NRG1: variants seen among roughly 807,000 people sequenced by gnomAD.
The protein encoded by NRG1 is neuregulin 1, also known as pro-neuregulin-1, membrane-bound isoform.
NRG1 carries 18 observed loss-of-function variants against 63.8 expected under a neutral mutation model. The observed-to-expected ratio is 0.28, with a 90% CI of 0.19 to 0.42. The LOEUF (loss-of-function observed/expected upper bound fraction) is 0.42. Among genes scored for constraint, NRG1 ranks in the 10% least tolerant of loss-of-function variants. The pLI, the probability that NRG1 is intolerant of heterozygous loss-of-function variation, is 1.00. For missense variants in NRG1, 762 were observed against 814.7 expected, an observed-to-expected ratio of 0.94 and a Z score of 0.79; for synonymous variants, 302 against 301.3, an observed-to-expected ratio of 1.00 and a Z score of -0.02.
At chr8:32,257,395 C>T (rs1849851283) in intron 1 of NRG1, among the ~76,000 whole-genome samples, 2 of 152,182 alleles carry the variant, frequency 1.3e-5, no homozygotes, top group African/African-American at 4.8e-5. Flanking sequence ...TGCTTCAAGC[C>T]ATATTTCTTT....
intron 1 of NRG1, among the ~76,000 whole-genome samples, chr8:32,469,205 T>C (rs1033754720): frequency 1.3e-5 from 2 of 152,176 alleles, no homozygotes; most frequent in Non-Finnish European, 2.9e-5. Flanking sequence ...TGTGGCATCA[T>C]TGAGAGAGTC....
intron 1 of NRG1, among the ~76,000 whole-genome samples, chr8:31,856,936 G>T (rs1263710870): frequency 6.6e-6 from 1 of 152,174 alleles, no homozygotes; most frequent in Admixed American, 6.5e-5. Context: ...GGGGTCAGGT[G>T]TCAGGGACCC....
chr8:32,639,397 T>C lies in NRG1; in HGVS notation c.502+22512T>C, dbSNP rs116854583. Among the ~76,000 whole-genome samples, 1,175 of 152,204 alleles carry C rather than the reference T, an allele frequency of 7.7e-3. 6 individuals carry two copies. Among genetic ancestry groups the C allele is most frequent in the Middle Eastern group, 0.024 (7 of 294 alleles). On this transcript the variant is annotated intron_variant, in intron 5 of 11. Coordinates refer to ENST00000356819, the Ensembl canonical transcript of NRG1. ...CTCCAGCCTAAGCGACAGAGCAAGA[T>C]TCCATTTCAAAATAAATAAATAAAT...
intron 1 of NRG1, among the ~76,000 whole-genome samples, chr8:32,316,709 C>T (rs778275299): frequency 1.3e-5 from 2 of 152,034 alleles, no homozygotes; most frequent in Admixed American, 6.6e-5. Flanking sequence ...CCTTGATCCT[C>T]GGTGTGAAAC....
intron 1 of NRG1, among the ~76,000 whole-genome samples, chr8:32,358,923 A>G (rs1806838890): frequency 6.6e-6 from 1 of 152,150 alleles, no homozygotes; most frequent in African/African-American, 2.4e-5. Context: ...CAGAGTCACA[A>G]ATTCTAAGAA....
chr8:32,366,150 A>T (rs1807945685), intron 1 of NRG1, among the ~76,000 whole-genome samples: 1 of 151,984 alleles, frequency 6.6e-6, no homozygotes, highest in Non-Finnish European at 1.5e-5. Context: ...GTTTTTTAAA[A>T]TTTTTTTTAG....
intron 1 of NRG1, among the ~76,000 whole-genome samples, chr8:32,532,158 C>T (rs1040943687): frequency 9.9e-5 from 15 of 152,122 alleles, no homozygotes; most frequent in Admixed American, 7.9e-4. Context: ...CCCAGATTTT[C>T]AAGAAGTAAT....
chr8:32,028,456 T>C (rs1461607126), intron 1 of NRG1, among the ~76,000 whole-genome samples: 1 of 152,324 alleles, frequency 6.6e-6, no homozygotes, highest in African/African-American at 2.4e-5. Flanking sequence ...AGCTCAGCCA[T>C]TTAGTATTTG....
intron 1 of NRG1, among the ~76,000 whole-genome samples, chr8:32,321,087 G>A (rs1192026705): frequency 6.6e-6 from 1 of 152,094 alleles, no homozygotes; most frequent in Non-Finnish European, 1.5e-5. Flanking sequence ...CTAAAACACT[G>A]TGGCACTTCT....
At chr8:32,691,606 T>C (rs1307456363) in intron 5 of NRG1, among the ~76,000 whole-genome samples, 1 of 152,234 alleles carries the variant, frequency 6.6e-6, no homozygotes, top group Non-Finnish European at 1.5e-5. Context: ...AAGATATTTA[T>C]TGTGACACAT....
intron 5 of NRG1, among the ~76,000 whole-genome samples, chr8:32,723,562 TGTA>T (rs1199242405): frequency 1.3e-5 from 2 of 151,278 alleles, no homozygotes; most frequent in Non-Finnish European, 2.9e-5. Flanking sequence ...GGCGCATGGC[TGTA>T]GTACCAGCTA....
chr8:32,668,586 G>C (rs1804828567), intron 5 of NRG1, among the ~76,000 whole-genome samples: 1 of 152,092 alleles, frequency 6.6e-6, no homozygotes, highest in African/African-American at 2.4e-5. Context: ...CTTCATGTGT[G>C]TGAAAAATAT....
intron 1 of NRG1, among the ~76,000 whole-genome samples, chr8:31,906,222 T>A (rs1171049695): frequency 6.6e-6 from 1 of 152,202 alleles, no homozygotes; most frequent in Non-Finnish European, 1.5e-5. Flanking sequence ...GTGGCTGTTG[T>A]CAGGAAGCTT....
intron 5 of NRG1, among the ~76,000 whole-genome samples, chr8:32,629,442 A>ATCCCATAGAT (rs1424899957): frequency 6.6e-6 from 1 of 152,200 alleles, no homozygotes; most frequent in Admixed American, 6.5e-5. Context: ...AGTATTTATT[A>ATCCCATAGAT]AATGGATGTC....
chr8:32,427,210 A>C (rs1315764911), intron 1 of NRG1, among the ~76,000 whole-genome samples: 2 of 152,174 alleles, frequency 1.3e-5, no homozygotes, highest in Non-Finnish European at 2.9e-5. Flanking sequence ...AGCCATTGTG[A>C]TATGAGTTTG....
intron 1 of NRG1, among the ~76,000 whole-genome samples, chr8:31,900,124 A>G (rs1055385225): frequency 2.6e-5 from 4 of 152,234 alleles, no homozygotes; most frequent in African/African-American, 9.6e-5. Flanking sequence ...CTGCTTGATG[A>G]AAAAGAATAA....
intron 1 of NRG1, among the ~76,000 whole-genome samples, chr8:31,707,534 G>A (rs1431830278): frequency 6.6e-6 from 1 of 151,818 alleles, no homozygotes; most frequent in African/African-American, 2.4e-5. Flanking sequence ...CAAACAGCTG[G>A]TGTTTTAAAA....
Position 32,215,472 on chromosome 8 carries a change from C to T in NRG1, c.38-380356C>T, listed in dbSNP as rs370494519. ...CCTCTGAGCATTTGCTGTGTGCCAG[C>T]CATCACACTACATGCTTTACATACT... On this transcript the variant is annotated intron_variant, in intron 1 of 10. Transcript: ENST00000519301. Among the ~76,000 whole-genome samples, 7 of 152,168 alleles carry T rather than the reference C, an allele frequency of 4.6e-5. No homozygotes were observed. In the South Asian group the frequency reaches 8.3e-4, roughly 18 times the overall value.
chr8:32,302,249 G>A (rs1855657257), intron 1 of NRG1, among the ~76,000 whole-genome samples: 1 of 152,118 alleles, frequency 6.6e-6, no homozygotes, highest in Non-Finnish European at 1.5e-5. Flanking sequence ...AGGAAGAAGT[G>A]GATAAAACAG....
Sources: allele counts gnomAD v4.1 joint callset (sites outside exome capture counted in the v4.1 genomes callset), GRCh38; gene constraint gnomAD v4.1.1; transcripts MANE v1.5; gene names NCBI Gene and HGNC (gene_info 2026-07-23, HGNC 2026-07-21).